ZFHX4: variants seen among roughly 807,000 people sequenced by gnomAD.
ZFHX4 encodes zinc finger homeobox 4, also known as zinc finger homeobox protein 4.
A neutral mutation model predicts 267.6 loss-of-function variants in ZFHX4; 56 were observed. The observed-to-expected ratio is 0.21, with a 90% CI of 0.17 to 0.26. The LOEUF (loss-of-function observed/expected upper bound fraction) is 0.26. Among genes scored for constraint, ZFHX4 ranks in the 10% least tolerant of loss-of-function variants. The probability of loss-of-function intolerance (pLI) is 1.00; values close to 1 mark genes in which losing one functional copy is unlikely to be tolerated. For synonymous variants in ZFHX4, 1,778 were observed against 1,665.6 expected, an observed-to-expected ratio of 1.07 and a Z score of -1.64; for missense variants, 4,332 against 4,420.0, an observed-to-expected ratio of 0.98 and a Z score of 0.56.
intron 4 of ZFHX4, among the ~76,000 whole-genome samples, chr8:76,787,686 G>A (rs1033150311): frequency 1.3e-5 from 2 of 150,822 alleles, no homozygotes; most frequent in Non-Finnish European, 3.0e-5. Flanking sequence ...GGTGGCGGGA[G>A]CATGTAGTCC....
chr8:76,701,136 A>G (rs916763555), intron 1 of ZFHX4, among the ~76,000 whole-genome samples: 2 of 152,164 alleles, frequency 1.3e-5, no homozygotes, highest in Non-Finnish European at 2.9e-5. Flanking sequence ...CTTTTTATCT[A>G]TACAAACTAA....
intron 4 of ZFHX4, among the ~76,000 whole-genome samples, chr8:76,800,590 TAAATGTATACATC>T (rs1811094094): frequency 6.6e-6 from 1 of 152,170 alleles, no homozygotes; most frequent in Non-Finnish European, 1.5e-5. Context: ...CTTGTGATAA[TAAATGTATACATC>T]AAGGCCGCAC....
At position 76,778,316 on chromosome 8, in the gene ZFHX4, T is replaced by A; in HGVS notation, c.3202T>A (p.Ser1068Thr). 1.9e-6 allele frequency: 3 copies of A among 1,613,876 alleles called. No homozygotes were observed. Among genetic ancestry groups the A allele is most frequent in the Non-Finnish European group, 2.5e-6 (3 of 1,179,816 alleles). Residue 1068 changes from serine to threonine, a missense_variant, in exon 4 of 11, where the codon TCG becomes ACG. By Grantham distance (58) the Ser-to-Thr change is moderately conservative (BLOSUM62 1). Coordinates refer to ENST00000651372, the MANE Select transcript of ZFHX4 (RefSeq NM_024721.5). ...VKLNLVQHVR[S>T]VKHQQTEGLR... ...GTTGAATCTGGTACAACATGTCCGT[T>A]CGGTGAAGCATCAGCAGACTGAGGG...
chr8:76,853,027 C>A lies in ZFHX4; in HGVS notation c.6106C>A (p.Gln2036Lys). ...CCCCAACACGGTTTCTACTCCTCTGCAAGCTCCACCACCCACTCCTCCCCC... is the reference window on the plus strand; with the variant it reads ...CCCCAACACGGTTTCTACTCCTCTGAAAGCTCCACCACCCACTCCTCCCCC... Reference protein sequence around the residue: ...KIPNTVSTPLQAPPPTPPPPP... With the variant: ...KIPNTVSTPLKAPPPTPPPPP... The change falls in exon 10 of 11, where the codon CAA becomes AAA. Residue 2036 changes from glutamine to lysine, a missense_variant. Transcript: ENST00000651372. 1 of 1,496,082 alleles carries A rather than the reference C, an allele frequency of 6.7e-7. No homozygotes were observed. 92.7% of individuals were successfully genotyped at this position (1,496,082 alleles called of 1,614,324 possible).
chr8:76,861,946 C>A (rs1812879635), intron 10 of ZFHX4, among the ~76,000 whole-genome samples: 1 of 151,980 alleles, frequency 6.6e-6, no homozygotes, highest in Non-Finnish European at 1.5e-5. Context: ...CCATCACAGT[C>A]CTTGTCATGA....
Position 76,815,747 on chromosome 8 carries a change from C to T in ZFHX4, c.3326-17591C>T, listed in dbSNP as rs562001399. Reference sequence around the variant, plus strand: ...AACTACTGGGCTCCAGAAATTCTCCCGCCTTGGTCTCCCAAAGTGCTGAGA... The same window carrying T: ...AACTACTGGGCTCCAGAAATTCTCCTGCCTTGGTCTCCCAAAGTGCTGAGA... On this transcript the variant is annotated intron_variant, in intron 4 of 10. Coordinates refer to ENST00000651372, the MANE Select transcript of ZFHX4 (RefSeq NM_024721.5). 3.5e-4 allele frequency among the ~76,000 whole-genome samples: 54 copies of T among 152,242 alleles called. 1 individual carries two copies. The highest frequency in any genetic ancestry group is 1.2e-3 in the African/African-American group (50 of 41,542).
intron 4 of ZFHX4, among the ~76,000 whole-genome samples, chr8:76,804,909 C>G (rs930549910): frequency 6.6e-6 from 1 of 151,996 alleles, no homozygotes. Context: ...AACTAGCCCC[C>G]GTTTGAGAGA....
chr8:76,823,874 G>A (rs984326171), intron 4 of ZFHX4, among the ~76,000 whole-genome samples: 5 of 152,170 alleles, frequency 3.3e-5, no homozygotes, highest in African/African-American at 1.2e-4. Flanking sequence ...GTAAAGGGTA[G>A]TTTATTATAA....
At chr8:76,738,925 G>A (rs545392634) in intron 3 of ZFHX4, among the ~76,000 whole-genome samples, 38 of 152,090 alleles carry the variant, frequency 2.5e-4, no homozygotes, top group African/African-American at 9.2e-4. Flanking sequence ...ATGTTGCCCA[G>A]GCTGGTCTCA....
chr8:76,859,548 T>G (rs1330279043), intron 10 of ZFHX4, among the ~76,000 whole-genome samples: 4 of 152,186 alleles, frequency 2.6e-5, no homozygotes, highest in Non-Finnish European at 5.9e-5. Flanking sequence ...TTTGCTTTTC[T>G]ATTTTTAACT....
intron 3 of ZFHX4, among the ~76,000 whole-genome samples, chr8:76,775,077 G>A (rs1286363781): frequency 1.3e-5 from 2 of 152,106 alleles, no homozygotes; most frequent in African/African-American, 2.4e-5. Context: ...TAAAAGGCAA[G>A]GTCACAGGCT....
intron 4 of ZFHX4, chr8:76,782,100 A>ATTTTTTTTTTTTT (rs77420241): frequency 2.1e-5 from 5 of 236,754 alleles, no homozygotes; most frequent in African/African-American, 3.4e-5. Flanking sequence ...TCAGTTAAGA[A>ATTTTTTTTTTTTT]TTTTTTTTTT....
chr8:76,775,210 A>C (rs1810371739), intron 3 of ZFHX4, among the ~76,000 whole-genome samples: 1 of 152,182 alleles, frequency 6.6e-6, no homozygotes, highest in African/African-American at 2.4e-5. Flanking sequence ...AGAATGTATT[A>C]TTGCCACTGT....
Position 76,854,500 on chromosome 8 carries a change from C to G in ZFHX4, c.7579C>G (p.Pro2527Ala). 6.2e-6 allele frequency: 10 copies of G among 1,613,880 alleles called. No homozygotes were observed. Among genetic ancestry groups the G allele is most frequent in the Non-Finnish European group, 8.5e-6 (10 of 1,179,862 alleles). Residue 2527 changes from proline to alanine, a missense_variant, in exon 10 of 11, where the codon CCG (proline) becomes GCG (alanine). Pro to Ala is a conservative substitution (Grantham distance 27). Transcript: ENST00000651372. ...TGCTCAAAACCAATTCCTTCACTCT[C>G]CGTTCTTGGAAAGGCCCATGGACAT... ...LAAQNQFLHS[P>A]FLERPMDMPY...
chr8:76,786,983 G>T (rs1192168737), intron 4 of ZFHX4, among the ~76,000 whole-genome samples: 1 of 152,120 alleles, frequency 6.6e-6, no homozygotes, highest in African/African-American at 2.4e-5. Context: ...TTGCCATAGG[G>T]GGGTAGTCAA....
rs767006421 is a variant in ZFHX4, at chr8:76,854,639, C to A, written c.7718C>A (p.Thr2573Lys). 32 of 1,613,614 alleles carry A rather than the reference C, an allele frequency of 2.0e-5. No individual in the cohort carries two copies. In the South Asian group the frequency reaches 3.4e-4, roughly 17 times the overall value. ...ASSSHTTAPT[T>K]VAASLKRKLD... ...TCCTCCCACACCACAGCCCCCACAA[C>A]GGTTGCTGCTTCCCTAAAAAGGAAA... The change falls in exon 10 of 11, where the codon ACG becomes AAG. Residue 2573 changes from threonine (T) to lysine (K), a missense_variant. Around this residue, in one of 7 missense-constraint regions of ZFHX4, gnomAD observed 1,648 missense variants for 1,625.0 expected, o/e 1.01. Coordinates refer to ENST00000651372, the MANE Select transcript of ZFHX4 (RefSeq NM_024721.5).
intron 3 of ZFHX4, among the ~76,000 whole-genome samples, chr8:76,734,830 T>C (rs1322530802): frequency 1.3e-5 from 2 of 152,154 alleles, no homozygotes; most frequent in East Asian, 1.9e-4. Context: ...CACAGACATA[T>C]TTTAGTCTTC....
At chr8:76,755,125 C>T (rs1809728692) in intron 3 of ZFHX4, among the ~76,000 whole-genome samples, 1 of 152,070 alleles carries the variant, frequency 6.6e-6, no homozygotes, top group East Asian at 1.9e-4. Flanking sequence ...ATAGGTCAAA[C>T]TTTATATTCT....
intron 4 of ZFHX4, among the ~76,000 whole-genome samples, chr8:76,818,972 G>A (rs1023890559): frequency 2.0e-5 from 3 of 151,880 alleles, no homozygotes; most frequent in African/African-American, 7.3e-5. Flanking sequence ...AGCAATGAAG[G>A]AGGAGCCAAG....
Sources: gnomAD v4.1 joint callset for allele counts (sites outside exome capture counted in the v4.1 genomes callset) on GRCh38, gnomAD v4.1.1 for gene constraint, gnomAD v4.1.1 regional missense constraint, MANE v1.5 for transcripts, NCBI Gene and HGNC (gene_info 2026-07-23, HGNC 2026-07-21) for gene names.